The following EXOC4 variants were observed in gnomAD, a reference collection of about 807,000 sequenced individuals.
EXOC4 encodes the protein SEC8-like 1.
EXOC4 carries 71 observed loss-of-function variants against 107.2 expected under a neutral mutation model. That is an observed-to-expected ratio of 0.66 (90% CI 0.55 to 0.81). The LOEUF is 0.81. Ranked by LOEUF, EXOC4 falls within the 30% of genes least tolerant of loss-of-function variation. The probability of loss-of-function intolerance (pLI) is 0.00; values close to 1 mark genes in which losing one functional copy is unlikely to be tolerated. For synonymous variants in EXOC4, 456 were observed against 441.2 expected, an observed-to-expected ratio of 1.03 and a Z score of -0.42; for missense variants, 1,108 against 1,189.6, an observed-to-expected ratio of 0.93 and a Z score of 1.01.
In EXOC4 at chr7:133,869,518, C is replaced by T. The variant is rs185964492; in HGVS notation, c.1735-26081C>T. Among the ~76,000 whole-genome samples, 170 of 152,280 alleles carry T rather than the reference C, an allele frequency of 1.1e-3. 3 individuals carry two copies. ...ATTTAATAAAAATTAGTCTCCTGCC[C>T]TTTCTATCCACACATCTCCATAGCA... On this transcript the variant is annotated intron_variant, in intron 11 of 17. Transcript: ENST00000253861.
At chr7:133,800,955 T>C (rs1439036517) in intron 10 of EXOC4, among the ~76,000 whole-genome samples, 1 of 152,208 alleles carries the variant, frequency 6.6e-6, no homozygotes, top group Non-Finnish European at 1.5e-5. Context: ...TGGTTGAAGT[T>C]GATCAAGCCC....
intron 7 of EXOC4, among the ~76,000 whole-genome samples, chr7:133,412,165 GC>G (rs1007800079): frequency 5.9e-5 from 9 of 151,680 alleles, no homozygotes; most frequent in African/African-American, 1.9e-4. Flanking sequence ...TTACCTGACT[GC>G]TGGGTCAAAG....
At chr7:133,402,910 G>A (rs1250806857) in intron 7 of EXOC4, among the ~76,000 whole-genome samples, 2 of 144,740 alleles carry the variant, frequency 1.4e-5, no homozygotes, top group Non-Finnish European at 3.0e-5. Flanking sequence ...TTTTGAGACG[G>A]AGTCTCACTC....
chr7:133,952,400 C>A (rs1800714251), intron 14 of EXOC4, among the ~76,000 whole-genome samples: 2 of 152,182 alleles, frequency 1.3e-5, no homozygotes, highest in Non-Finnish European at 2.9e-5. Flanking sequence ...CTGCTTACCC[C>A]TTCTCTGCTG....
chr7:133,567,593 A>G (rs1800932521), intron 9 of EXOC4, among the ~76,000 whole-genome samples: 1 of 152,090 alleles, frequency 6.6e-6, no homozygotes, highest in African/African-American at 2.4e-5. Flanking sequence ...TGTAGTTTTG[A>G]TGGATACTGC....
At chr7:133,621,354 T>C (rs926971943) in intron 9 of EXOC4, among the ~76,000 whole-genome samples, 1 of 151,902 alleles carries the variant, frequency 6.6e-6, no homozygotes, top group African/African-American at 2.4e-5. Flanking sequence ...GGAGCTAGAA[T>C]GTACTCAGTT....
intron 10 of EXOC4, among the ~76,000 whole-genome samples, chr7:133,686,018 T>A (rs1361945716): frequency 1.3e-5 from 2 of 152,174 alleles, no homozygotes; most frequent in Non-Finnish European, 2.9e-5. Context: ...TAATTCTATC[T>A]ATGTTGCTGC....
intron 10 of EXOC4, among the ~76,000 whole-genome samples, chr7:133,649,890 T>C: frequency 6.6e-6 from 1 of 152,200 alleles, no homozygotes; most frequent in Admixed American, 6.5e-5. Flanking sequence ...TTAGAAGTTA[T>C]GATGATAAAT....
At chr7:133,663,957 G>A (rs1450828789) in intron 10 of EXOC4, among the ~76,000 whole-genome samples, 1 of 152,088 alleles carries the variant, frequency 6.6e-6, no homozygotes, top group African/African-American at 2.4e-5. Flanking sequence ...GCCCCTACTG[G>A]TTGATGCTGA....
chr7:133,484,270 G>A, intron 9 of EXOC4: 1 of 1,208,464 alleles, frequency 8.3e-7, no homozygotes. Context: ...TCATTATATA[G>A]TCTGCTGTTG....
At chr7:133,315,085 C>G (rs1023832273) in intron 4 of EXOC4, 1 of 152,748 alleles carries the variant, frequency 6.5e-6, no homozygotes, top group African/African-American at 2.4e-5. Flanking sequence ...TGAGTCAGTA[C>G]AATGAAACCA....
At chr7:133,296,431 A>AC (rs1351971868) in intron 3 of EXOC4, among the ~76,000 whole-genome samples, 1 of 151,880 alleles carries the variant, frequency 6.6e-6, no homozygotes. Context: ...CGCATTTGAG[A>AC]CCCCCCTTCA....
At chr7:133,431,738 A>G (rs1797860932) in intron 7 of EXOC4, among the ~76,000 whole-genome samples, 1 of 152,214 alleles carries the variant, frequency 6.6e-6, no homozygotes, top group South Asian at 2.1e-4. Context: ...GCCATGAGGG[A>G]TAGGTTTATA....
chr7:133,887,603 G>T (rs1450497101), intron 11 of EXOC4, among the ~76,000 whole-genome samples: 1 of 152,110 alleles, frequency 6.6e-6, no homozygotes, highest in African/African-American at 2.4e-5. Context: ...GTTTATTAGA[G>T]AACTAAATTG....
At chr7:133,753,905 A>T (rs1468491231) in intron 10 of EXOC4, among the ~76,000 whole-genome samples, 2 of 152,184 alleles carry the variant, frequency 1.3e-5, no homozygotes, top group Non-Finnish European at 2.9e-5. Flanking sequence ...AACTTTTAGC[A>T]GGTGGAAAAA....
At chr7:133,408,182 A>G (rs1797268051) in intron 7 of EXOC4, among the ~76,000 whole-genome samples, 2 of 145,194 alleles carry the variant, frequency 1.4e-5, no homozygotes, top group South Asian at 4.7e-4. Context: ...GATGGAGGTC[A>G]TGTTAGGGTG....
At chr7:133,700,477 C>G (rs1379932063) in intron 10 of EXOC4, among the ~76,000 whole-genome samples, 1 of 152,060 alleles carries the variant, frequency 6.6e-6, no homozygotes, top group African/African-American at 2.4e-5. Context: ...CTGATATGCT[C>G]TATAAGTTTT....
At chr7:133,698,570 G>A (rs1173433628) in intron 10 of EXOC4, among the ~76,000 whole-genome samples, 2 of 40,668 alleles carry the variant, frequency 4.9e-5, no homozygotes, top group Non-Finnish European at 1.0e-4. Context: ...CACCAGAGTG[G>A]TGTCAAAAAA....
intron 7 of EXOC4, among the ~76,000 whole-genome samples, chr7:133,450,292 G>A (rs1369979081): frequency 6.6e-6 from 1 of 152,010 alleles, no homozygotes; most frequent in Non-Finnish European, 1.5e-5. Context: ...GGCTCCTTGA[G>A]TAGTTGGGAC....
Sources: gnomAD v4.1 joint callset for allele counts (sites outside exome capture counted in the v4.1 genomes callset) on GRCh38, gnomAD v4.1.1 for gene constraint, MANE v1.5 for transcripts, NCBI Gene and HGNC (gene_info 2026-07-23, HGNC 2026-07-21) for gene names.